Variants in SSX5 observed in about 807,000 individuals in gnomAD.
SSX5 encodes the protein protein SSX5.
Under a neutral mutation model 14.9 loss-of-function variants are expected in SSX5, and 14 were observed. That is an observed-to-expected ratio of 0.94 (90% CI 0.62 to 1.47). SSX5 has a LOEUF of 1.47. Ranked by LOEUF, SSX5 falls within the 40% of genes most tolerant of loss-of-function variation. SSX5 has a pLI of 0.00. For missense variants in SSX5, 204 were observed against 154.6 expected, an observed-to-expected ratio of 1.32 and a Z score of -1.70; for synonymous variants, 70 against 55.4, an observed-to-expected ratio of 1.26 and a Z score of -1.17.
In SSX5 at chrX:48,195,299, C is replaced by A. The variant is rs149723790; in HGVS notation, c.60G>T (p.Lys20Asn). ...RPRVGSQIPE[K>N]MQKAFDDIAK... The stretch of plus-strand genomic sequence containing the variant: ...CTGCAGGTCACCTCACCTTTTGCAT[C>A]TTCTCTGGTATTTGAGAACCAACCC... Residue 20 changes from lysine (K) to asparagine (N), a missense_variant, in exon 2 of 8, where the codon AAG (lysine) becomes AAT (asparagine). Coordinates refer to ENST00000347757, the MANE Select transcript of SSX5 (RefSeq NM_175723.2). 1,831 of 1,209,601 alleles carry A rather than the reference C, an allele frequency of 1.5e-3. 1 individual carries two copies. Among genetic ancestry groups the A allele is most frequent in the South Asian group, 2.2e-3 (126 of 56,729 alleles).
chrX:48,190,946 C>G (rs1264026160), intron 5 of SSX5, among the ~76,000 whole-genome samples: 3 of 109,151 alleles, frequency 2.7e-5, no homozygotes, highest in Non-Finnish European at 3.8e-5. Flanking sequence ...CGTTCTTTTG[C>G]CAGGCTGGAG....
intron 7 of SSX5, 65 bp from the exon 8 acceptor site, chrX:48,186,921 C>A: frequency 1.7e-6 from 2 of 1,171,063 alleles, no homozygotes; most frequent in Non-Finnish European, 2.3e-6. Flanking sequence ...AACTCAATCT[C>A]AACTCCTCCT....
Position 48,192,496 on chromosome X carries a change from G to A in SSX5, c.281-215C>T, listed in dbSNP as rs1157194857. 3 of 508,704 alleles carry A rather than the reference G, an allele frequency of 5.9e-6. No homozygotes were observed. The African/African-American group carries it at 7.1e-5, about 12-fold the overall frequency. The allele number at this position is 508,704 out of a possible 1,213,427, so 41.9% of individuals were successfully genotyped here. ...TTTTCCATCTCATGGTTTATCACAT[G>A]GGGACTAAACCCCATCACAGTCTCA... On this transcript the variant is annotated intron_variant, in intron 4 of 7. Coordinates refer to ENST00000347757, the MANE Select transcript of SSX5 (RefSeq NM_175723.2).
At chrX:48,196,275 TA>T (rs1483255051) in intron 1 of SSX5, among the ~76,000 whole-genome samples, 1 of 108,409 alleles carries the variant, frequency 9.2e-6, no homozygotes, top group Non-Finnish European at 1.9e-5. Context: ...CAAAACAAAA[TA>T]AAAACACCTT....
At chrX:48,187,836 C>A in intron 6 of SSX5, 105 bp from the exon 7 acceptor site, 1 of 1,008,092 alleles carries the variant, frequency 9.9e-7, no homozygotes, top group Admixed American at 2.4e-5. Context: ...AGATGCCTCC[C>A]CACCACCAAG....
chrX:48,186,955 G>A (rs2059400142), intron 7 of SSX5, 99 bp from the exon 8 acceptor site: 2 of 1,040,926 alleles, frequency 1.9e-6, no homozygotes, highest in Admixed American at 2.2e-5. Context: ...TGCCCACTCC[G>A]ATTCTGCCCT....
At position 48,186,488 on chromosome X, in the gene SSX5, G is replaced by A; in HGVS notation, c.*373C>T. Reference sequence around the variant, plus strand: ...GAAAAAATCTGAAATTAAACACTCAGAACTGCCCTCAGTGGTCACATCTGG... The same window carrying A: ...GAAAAAATCTGAAATTAAACACTCAAAACTGCCCTCAGTGGTCACATCTGG... On this transcript the variant is annotated 3_prime_UTR_variant, in exon 8 of 8. Transcript: ENST00000347757. 1 of 348,532 alleles carries A rather than the reference G, an allele frequency of 2.9e-6. No individual in the cohort carries two copies. The highest frequency in any genetic ancestry group is 3.8e-5 in the South Asian group (1 of 26,471). The allele number at this position is 348,532 out of a possible 1,213,427, so 28.7% of individuals were successfully genotyped here. A position where few individuals can be genotyped will look rare whatever the true frequency, so the allele number is the denominator to read the frequency against.
rs112546919 is a variant in SSX5, at chrX:48,189,983, G to T, written c.466+150C>A. 6.2e-4 allele frequency: 528 copies of T among 857,487 alleles called. 1 individual carries two copies. The African/African-American group carries it at 0.01, about 17-fold the overall frequency. 70.7% of individuals were successfully genotyped at this position (857,487 alleles called of 1,213,427 possible). A position where few individuals can be genotyped will look rare whatever the true frequency, so the allele number is the denominator to read the frequency against. On this transcript the variant is annotated intron_variant, in intron 6 of 7. Transcript: ENST00000347757. ...ACAACTCCAGTCTGTGTCTCTGGAA[G>T]TCATGTGTAACATCTCATCTGGAGC...
chrX:48,187,637 G>C lies in SSX5; in HGVS notation c.561C>G (p.Asp187Glu), dbSNP rs782628762. Residue 187 changes from aspartate to glutamate, a missense_variant, in exon 7 of 8, where the codon GAC becomes GAG. Physicochemically the swap from Asp to Glu is conservative, Grantham distance 45. Transcript: ENST00000347757. Reference protein sequence around the residue: ...YEEISDPQEDDE With the variant: ...YEEISDPQEDEE The stretch of plus-strand genomic sequence containing the variant: ...CAAAGGTTCACTTACGGAGTTACTC[G>C]TCATCTTCCTGAGGGTCGCTGATCT... 8.3e-7 allele frequency: 1 copy of C among 1,207,149 alleles called. No individual in the cohort carries two copies. Among genetic ancestry groups the C allele is most frequent in the African/African-American group, 1.8e-5 (1 of 56,961 alleles).
Position 48,192,459 on chromosome X carries a change from A to T in SSX5, c.281-178T>A, listed in dbSNP as rs1312391004. ...CATGGTTGGTGCATTTATCTGTGGC[A>T]TCAATTCAGAATTTTCCATCTCATG... On this transcript the variant is annotated intron_variant, in intron 4 of 7. Coordinates refer to ENST00000347757, the MANE Select transcript of SSX5 (RefSeq NM_175723.2). The T allele has an allele frequency of 1.7e-5, 12 of 713,936 alleles. No individual in the cohort carries two copies. The East Asian group carries it at 2.4e-4, about 14-fold the overall frequency. 58.8% of individuals were successfully genotyped at this position (713,936 alleles called of 1,213,427 possible). A position where few individuals can be genotyped will look rare whatever the true frequency, so the allele number is the denominator to read the frequency against.
chrX:48,187,325 T>C (rs782682373), intron 7 of SSX5, among the ~76,000 whole-genome samples: 2 of 110,616 alleles, frequency 1.8e-5, no homozygotes, highest in African/African-American at 6.6e-5. Context: ...CCGGTCGTGG[T>C]GGCGGGTGCT....
At chrX:48,195,254 C>T (rs2059436319) in intron 2 of SSX5, 36 bp downstream of exon 2, 1 of 1,205,429 alleles carries the variant, frequency 8.3e-7, no homozygotes, top group African/African-American at 1.8e-5. Flanking sequence ...ACACTGTCCC[C>T]TGGGCCACTA....
At chrX:48,189,549 A>G (rs1307760507) in intron 6 of SSX5, among the ~76,000 whole-genome samples, 1 of 112,527 alleles carries the variant, frequency 8.9e-6, no homozygotes, top group Non-Finnish European at 1.9e-5. Flanking sequence ...TTAGCATTTT[A>G]TACAATGAAT....
At chrX:48,187,923 C>T (rs1376872090) in intron 6 of SSX5, among the ~76,000 whole-genome samples, 192 bp from the exon 7 acceptor site, 4 of 112,142 alleles carry the variant, frequency 3.6e-5, no homozygotes, top group Admixed American at 9.5e-5. Flanking sequence ...CACACCAATA[C>T]AGGCCAAATG....
intron 6 of SSX5, 148 bp from the exon 7 acceptor site, chrX:48,187,879 AT>A (rs1556924124): frequency 2.5e-6 from 2 of 789,819 alleles, no homozygotes; most frequent in African/African-American, 4.2e-5. Context: ...AGTTTTTCAC[AT>A]TCTCTGGCTT....
rs1231819392 is a variant in SSX5, at chrX:48,186,489, A to T, written c.*372T>A. On this transcript the variant is annotated 3_prime_UTR_variant, in exon 8 of 8. Coordinates refer to ENST00000347757, the MANE Select transcript of SSX5 (RefSeq NM_175723.2). ...AAAAAATCTGAAATTAAACACTCAG[A>T]ACTGCCCTCAGTGGTCACATCTGGG... The T allele has an allele frequency of 2.8e-6, 1 of 355,263 alleles. No individual in the cohort carries two copies. Among genetic ancestry groups the T allele is most frequent in the Non-Finnish European group, 5.0e-6 (1 of 200,377 alleles). The allele number at this position is 355,263 out of a possible 1,213,427, so 29.3% of individuals were successfully genotyped here.
intron 2 of SSX5, 133 bp downstream of exon 2, chrX:48,195,157 G>C (rs2059435749): frequency 1.7e-6 from 2 of 1,209,415 alleles, no homozygotes; most frequent in Admixed American, 4.4e-5. Flanking sequence ...GAGAGTGAGA[G>C]GCTCCCAAGG....
At chrX:48,187,021 A>G (rs1306653363) in intron 7 of SSX5, among the ~76,000 whole-genome samples, 165 bp from the exon 8 acceptor site, 8 of 111,423 alleles carry the variant, frequency 7.2e-5, no homozygotes, top group South Asian at 7.6e-4. Context: ...ATCTGCTCAT[A>G]CCACAGTGAC....
chrX:48,187,796 A>G, intron 6 of SSX5, 65 bp from the exon 7 acceptor site: 1 of 1,147,101 alleles, frequency 8.7e-7, no homozygotes, highest in Non-Finnish European at 1.2e-6. Flanking sequence ...TTGATTGGAG[A>G]GTGTTAGGCT....
Sources: allele counts gnomAD v4.1 joint callset (sites outside exome capture counted in the v4.1 genomes callset), GRCh38; gene constraint gnomAD v4.1.1; transcripts MANE v1.5; gene names NCBI Gene and HGNC (gene_info 2026-07-23, HGNC 2026-07-21).